Variants in PTK2 observed in about 807,000 individuals in gnomAD.
PTK2 encodes focal adhesion kinase 1.
In PTK2, 45 loss-of-function variants were observed where a neutral mutation model predicts 150.1. That is an observed-to-expected ratio of 0.30 (90% CI 0.24 to 0.38). PTK2 has a LOEUF of 0.38. Ranked by LOEUF, PTK2 falls within the 10% of genes least tolerant of loss-of-function variation. The probability of loss-of-function intolerance (pLI) is 1.00; values close to 1 mark genes in which losing one functional copy is unlikely to be tolerated. For synonymous variants in PTK2, 432 were observed against 449.2 expected, an observed-to-expected ratio of 0.96 and a Z score of 0.48; for missense variants, 919 against 1,307.3, an observed-to-expected ratio of 0.70 and a Z score of 4.58.
intron 23 of PTK2, among the ~76,000 whole-genome samples, chr8:140,715,154 C>A (rs977640888): frequency 6.9e-5 from 2 of 29,020 alleles, no homozygotes; most frequent in African/African-American, 1.9e-4. Flanking sequence ...CCATTAAAAC[C>A]GTTTTTTTTT....
chr8:140,746,895 T>A, intron 17 of PTK2, 35 bp from the exon 21 acceptor site: 2 of 1,057,320 alleles, frequency 1.9e-6, no homozygotes, highest in Non-Finnish European at 2.6e-6. Context: ...ATTCTTTCTT[T>A]TTTTTTTTTT....
chr8:140,755,964 T>C (rs1011576666), intron 16 of PTK2, among the ~76,000 whole-genome samples: 2 of 152,156 alleles, frequency 1.3e-5, no homozygotes, highest in African/African-American at 4.8e-5. Flanking sequence ...ATGAACAGAC[T>C]GCTTTGCACT....
chr8:140,904,461 T>C (rs1467395590), intron 2 of PTK2, among the ~76,000 whole-genome samples: 1 of 152,208 alleles, frequency 6.6e-6, no homozygotes, highest in Non-Finnish European at 1.5e-5. Flanking sequence ...AAATTTTCTT[T>C]TTTTCTTGTG....
chr8:140,964,229 TTTGCCTGTTTTTTAAGAGACAGGGTC>T (rs1459253526), intron 1 of PTK2, among the ~76,000 whole-genome samples: 4 of 152,104 alleles, frequency 2.6e-5, no homozygotes, highest in Non-Finnish European at 5.9e-5. Context: ...TAATCAATAA[TTTGCCTGTTTTTTAAGAGACAGGGTC>T]TTGCTCTATC....
At position 140,883,779 on chromosome 8, in the gene PTK2, C is replaced by T. The variant is rs552894319; in HGVS notation, c.196-4142G>A. ...TTTTTATCTTGGTGGTCCACAGTCACTGTATTAGTTCCCTATTACCTCTGT... is the reference window on the plus strand; with the variant it reads ...TTTTTATCTTGGTGGTCCACAGTCATTGTATTAGTTCCCTATTACCTCTGT... On this transcript the variant is annotated intron_variant, in intron 3 of 31. Coordinates refer to ENST00000522684, the Ensembl canonical transcript of PTK2. 8.6e-5 allele frequency among the ~76,000 whole-genome samples: 13 copies of T among 151,966 alleles called. No homozygotes were observed. The South Asian group carries it at 2.7e-3, about 32-fold the overall frequency.
At chr8:140,989,633 G>A (rs1456953092) in intron 1 of PTK2, among the ~76,000 whole-genome samples, 1 of 152,082 alleles carries the variant, frequency 6.6e-6, no homozygotes, top group Non-Finnish European at 1.5e-5. Flanking sequence ...CCTCGGCTGG[G>A]CACGGTGGCT....
In PTK2 at chr8:140,988,619, T is replaced by C. The variant is rs188347666; in HGVS notation, c.-122+12506A>G. ...TGGTGGGCGCCCGTAGCCCCAGCTATTCGGGAGGCTGAGGCAGGAGAATGG... is the reference window on the plus strand; with the variant it reads ...TGGTGGGCGCCCGTAGCCCCAGCTACTCGGGAGGCTGAGGCAGGAGAATGG... On this transcript the variant is annotated intron_variant, in intron 1 of 31. Coordinates refer to ENST00000522684, the Ensembl canonical transcript of PTK2. Among the ~76,000 whole-genome samples the C allele has an allele frequency of 6.6e-4, 100 of 151,326 alleles. No homozygotes were observed. The East Asian group carries it at 0.016, about 24-fold the overall frequency.
At chr8:140,830,811 C>T (rs540324903) in intron 7 of PTK2, among the ~76,000 whole-genome samples, 1 of 152,022 alleles carries the variant, frequency 6.6e-6, no homozygotes, top group South Asian at 2.1e-4. Flanking sequence ...CTAAAATATT[C>T]CCTCTTTGTA....
intron 1 of PTK2, among the ~76,000 whole-genome samples, chr8:140,971,174 G>A (rs1370775914): frequency 6.6e-6 from 1 of 152,180 alleles, no homozygotes. Context: ...ACAATCTGAA[G>A]TGGAATCTAC....
intron 26 of PTK2, among the ~76,000 whole-genome samples, chr8:140,694,628 G>A (rs2100025366): frequency 6.6e-6 from 1 of 152,136 alleles, no homozygotes; most frequent in Non-Finnish European, 1.5e-5. Flanking sequence ...CAGCGGCCTG[G>A]CCTGGTGGTT....
intron 3 of PTK2, among the ~76,000 whole-genome samples, chr8:140,889,992 T>C (rs2100153683): frequency 6.6e-6 from 1 of 152,204 alleles, no homozygotes; most frequent in Non-Finnish European, 1.5e-5. Flanking sequence ...CAACCTCCCG[T>C]GAAGCACTTC....
At chr8:140,910,282 T>G (rs1471149888) in intron 2 of PTK2, among the ~76,000 whole-genome samples, 1 of 151,734 alleles carries the variant, frequency 6.6e-6, no homozygotes, top group East Asian at 1.9e-4. Flanking sequence ...CCACAGAACA[T>G]CTCCCTCCCT....
chr8:140,943,541 A>G (rs961247720), intron 1 of PTK2, among the ~76,000 whole-genome samples: 2 of 142,354 alleles, frequency 1.4e-5, no homozygotes, highest in African/African-American at 6.2e-5. Context: ...AAATGTTCAC[A>G]TAGAGGTCAT....
chr8:140,943,189 A>T (rs531308088), intron 1 of PTK2, among the ~76,000 whole-genome samples: 52 of 152,288 alleles, frequency 3.4e-4, no homozygotes, highest in African/African-American at 1.2e-3. Flanking sequence ...AACCACCACC[A>T]CGCTGAAGAC....
chr8:140,728,455 T>C (rs554636396), intron 22 of PTK2, among the ~76,000 whole-genome samples: 2 of 152,372 alleles, frequency 1.3e-5, no homozygotes, highest in African/African-American at 4.8e-5. Context: ...TTGTTACTAC[T>C]ACCTACTTCT....
chr8:140,968,969 C>A (rs2100186267), intron 1 of PTK2, among the ~76,000 whole-genome samples: 1 of 152,180 alleles, frequency 6.6e-6, no homozygotes, highest in Non-Finnish European at 1.5e-5. Flanking sequence ...TGACCATTAC[C>A]TGAGTAACAG....
chr8:140,701,158 T>A (rs533905813), intron 25 of PTK2, 136 bp from the exon 29 acceptor site: 2 of 1,002,684 alleles, frequency 2.0e-6, no homozygotes, highest in African/African-American at 3.3e-5. Flanking sequence ...ACTGTGCTTG[T>A]GGGAATAACT....
At position 140,888,494 on chromosome 8, in the gene PTK2, G is replaced by A. The variant is rs537688036; in HGVS notation, c.195+2049C>T. Among the ~76,000 whole-genome samples, 13 of 152,272 alleles carry A rather than the reference G, an allele frequency of 8.5e-5. No individual in the cohort carries two copies. The East Asian group carries it at 2.1e-3, about 25-fold the overall frequency. On this transcript the variant is annotated intron_variant, in intron 3 of 31. Transcript: ENST00000522684. Reference sequence around the variant, plus strand: ...TGCCAATTACTGTGAAATAAAACACGTTGTTTGTGGCCACATAGATTTGAT... The same window carrying A: ...TGCCAATTACTGTGAAATAAAACACATTGTTTGTGGCCACATAGATTTGAT...
At chr8:140,738,334 G>A (rs1274088481) in intron 21 of PTK2, among the ~76,000 whole-genome samples, 1 of 152,184 alleles carries the variant, frequency 6.6e-6, no homozygotes, top group Non-Finnish European at 1.5e-5. Flanking sequence ...GAGTAGAGTG[G>A]AGGGAAGTGC....
Sources: gnomAD v4.1 joint callset for allele counts (sites outside exome capture counted in the v4.1 genomes callset) on GRCh38, gnomAD v4.1.1 for gene constraint, MANE v1.5 for transcripts, NCBI Gene and HGNC (gene_info 2026-07-23, HGNC 2026-07-21) for gene names.